The following SRGAP3 variants were observed in gnomAD, a reference collection of about 807,000 sequenced individuals.
SRGAP3 encodes SLIT-ROBO Rho GTPase-activating protein 3.
SRGAP3 carries 39 observed loss-of-function variants against 121.1 expected under a neutral mutation model. The ratio of observed to expected loss-of-function variants is 0.32; its 90% confidence interval spans 0.25 to 0.42. The LOEUF (loss-of-function observed/expected upper bound fraction) is 0.42. Among genes scored for constraint, SRGAP3 ranks in the 10% least tolerant of loss-of-function variants. The pLI is 1.00. For synonymous variants in SRGAP3, 601 were observed against 570.0 expected (o/e 1.05, Z -0.77); for missense variants, 1,213 against 1,470.6 (o/e 0.82, Z 2.86).
intron 1 of SRGAP3, chr3:9,348,846 G>A (rs1258436367): frequency 2.3e-6 from 3 of 1,325,974 alleles, no homozygotes; most frequent in African/African-American, 2.9e-5. Context: ...TACAACATCA[G>A]TAAGGATCGC....
In SRGAP3 at chr3:9,052,111, T is replaced by C. The variant is rs546032028; in HGVS notation, c.1323+916A>G. ...CATGTTCAGGAGAGAGTCACTAGGA[T>C]ACTGAGGCTACTCAAAACAAAAGCT... On this transcript the variant is annotated intron_variant, in intron 9 of 21. Transcript: ENST00000383836. Among the ~76,000 whole-genome samples the C allele has an allele frequency of 1.6e-4, 24 of 152,308 alleles. No individual in the cohort carries two copies. The South Asian group carries it at 4.4e-3, about 28-fold the overall frequency.
chr3:9,083,770 C>T (rs959057815), intron 3 of SRGAP3, among the ~76,000 whole-genome samples: 9 of 152,168 alleles, frequency 5.9e-5, no homozygotes, highest in Non-Finnish European at 1.0e-4. Flanking sequence ...TCAGAATTCC[C>T]TCCAGCCTTC....
At chr3:9,287,976 G>A (rs1368914064) in intron 3 of SRGAP3, among the ~76,000 whole-genome samples, 1 of 152,010 alleles carries the variant, frequency 6.6e-6, no homozygotes, top group South Asian at 2.1e-4. Context: ...CTTCCTGAAT[G>A]TATGGACAGG....
chr3:9,345,055 G>A (rs909831404), intron 1 of SRGAP3, among the ~76,000 whole-genome samples: 12 of 151,898 alleles, frequency 7.9e-5, no homozygotes, highest in African/African-American at 2.2e-4. Flanking sequence ...AAGCCAAGGA[G>A]GCTACATATT....
intron 3 of SRGAP3, among the ~76,000 whole-genome samples, chr3:9,254,890 AAAAG>A (rs201082025): frequency 4.0e-3 from 597 of 150,314 alleles, no homozygotes; most frequent in Admixed American, 8.6e-3. Context: ...AGAGAGAAAG[AAAAG>A]AAAGGAAGGA....
chr3:9,270,741 T>C (rs772753872), intron 3 of SRGAP3, among the ~76,000 whole-genome samples: 8 of 152,172 alleles, frequency 5.3e-5, no homozygotes, highest in Non-Finnish European at 1.2e-4. Flanking sequence ...AAACAAGTAA[T>C]TCAGAAGGGA....
intron 3 of SRGAP3, among the ~76,000 whole-genome samples, chr3:9,084,100 A>C (rs1016524980): frequency 6.6e-6 from 1 of 152,158 alleles, no homozygotes; most frequent in African/African-American, 2.4e-5. Flanking sequence ...TACTTTGTTT[A>C]ATCTGTCTTT....
intron 2 of SRGAP3, among the ~76,000 whole-genome samples, chr3:9,105,179 TA>T (rs1183026474): frequency 6.6e-6 from 1 of 152,256 alleles, no homozygotes; most frequent in African/African-American, 2.4e-5. Context: ...TTAAATATTA[TA>T]CTTGTATGAT....
rs1285799133 is a variant in SRGAP3, at chr3:8,985,130, ATACG to A, written c.*385_*388del. On this transcript the variant is annotated 3_prime_UTR_variant, in exon 22 of 22. Coordinates refer to ENST00000383836, the MANE Select transcript of SRGAP3 (RefSeq NM_014850.4). This position sits in a 1 kb window ranked among gnomAD's most constrained non-coding sequence, Gnocchi z 5.1. ...TATACACACACCTACAGACACGTAC[ATACG>A]TATACATGTGTATATATGCACACAT... is the stretch of plus-strand genomic sequence containing the variant. 7 of 303,196 alleles carry A rather than the reference ATACG, an allele frequency of 2.3e-5. No individual in the cohort carries two copies. Among genetic ancestry groups the A allele is most frequent in the African/African-American group, 1.5e-4 (7 of 46,244 alleles). The allele number at this position is 303,196 out of a possible 1,614,324, so 18.8% of individuals were successfully genotyped here.
At chr3:9,137,959 G>A (rs1043793196) in intron 1 of SRGAP3, among the ~76,000 whole-genome samples, 2 of 152,288 alleles carry the variant, frequency 1.3e-5, no homozygotes, top group Admixed American at 1.3e-4. Flanking sequence ...TAATATTCAC[G>A]GTTTTGCTGC....
intron 4 of SRGAP3, among the ~76,000 whole-genome samples, chr3:9,074,461 C>G (rs182051255): frequency 4.6e-5 from 7 of 152,182 alleles, no homozygotes; most frequent in Non-Finnish European, 7.3e-5. Context: ...TCTTCCAGCA[C>G]GCAGGGCTGC....
rs139737158 is a variant in SRGAP3 at position 9,231,963 on chromosome 3, A to G, written c.67+16922T>C. Among the ~76,000 whole-genome samples the G allele has an allele frequency of 5.9e-5, 9 of 152,306 alleles. No individual in the cohort carries two copies. In the East Asian group the frequency reaches 9.6e-4, roughly 16 times the overall value. ...ATCGGGTCTTATGAGTCTAAACCCC[A>G]GACTCTGGCCACTGCATCACGATGG... On this transcript the variant is annotated intron_variant, in intron 1 of 21. Transcript: ENST00000383836.
intron 4 of SRGAP3, among the ~76,000 whole-genome samples, chr3:9,075,404 T>C (rs544033672): frequency 3.5e-4 from 52 of 147,722 alleles, no homozygotes; most frequent in Admixed American, 2.6e-3. Flanking sequence ...CGCGCACATA[T>C]GTGCATAAAC....
chr3:9,253,093 C>A (rs1954053318), upstream of SRGAP3, among the ~76,000 whole-genome samples: 1 of 152,174 alleles, frequency 6.6e-6, no homozygotes, highest in South Asian at 2.1e-4. Context: ...CCCCATGAGT[C>A]CAGTGATGTA....
chr3:9,096,518 C>A (rs1200681190), intron 3 of SRGAP3, among the ~76,000 whole-genome samples: 1 of 152,070 alleles, frequency 6.6e-6, no homozygotes, highest in Non-Finnish European at 1.5e-5. Context: ...TTGATAATAC[C>A]TTTTATCAGG....
chr3:9,268,035 A>C (rs1296129497), intron 3 of SRGAP3, among the ~76,000 whole-genome samples: 1 of 152,130 alleles, frequency 6.6e-6, no homozygotes, highest in East Asian at 1.9e-4. Context: ...CCTCAGACCA[A>C]CAGGAAGCAA....
intron 3 of SRGAP3, among the ~76,000 whole-genome samples, chr3:9,267,055 T>A (rs1320185794): frequency 6.6e-6 from 1 of 152,172 alleles, no homozygotes; most frequent in Non-Finnish European, 1.5e-5. Flanking sequence ...TCGGGCTGAA[T>A]AATATATATT....
At chr3:9,112,335 T>C (rs1336560830) in intron 2 of SRGAP3, among the ~76,000 whole-genome samples, 1 of 152,186 alleles carries the variant, frequency 6.6e-6, no homozygotes, top group Non-Finnish European at 1.5e-5. Flanking sequence ...GAAAGGTGCA[T>C]TTAACCTCCT....
chr3:9,142,452 C>T (rs1039066597), intron 1 of SRGAP3, among the ~76,000 whole-genome samples: 6 of 152,226 alleles, frequency 3.9e-5, no homozygotes, highest in Non-Finnish European at 1.5e-5. Context: ...ATTCACACTT[C>T]GGCTCAGAGT....
Sources: gnomAD v4.1 joint callset for allele counts (sites outside exome capture counted in the v4.1 genomes callset) on GRCh38, gnomAD v4.1.1 for gene constraint, Gnocchi (gnomAD v3.1) non-coding constraint, MANE v1.5 for transcripts, NCBI Gene and HGNC (gene_info 2026-07-23, HGNC 2026-07-21) for gene names.